Variants in C17orf58 observed in about 807,000 individuals in gnomAD.
C17orf58 encodes the protein chromosome 17 open reading frame 58.
Under a neutral mutation model 7.4 loss-of-function variants are expected in C17orf58, and 5 were observed. The observed-to-expected ratio is 0.67, with a 90% CI of 0.35 to 1.42. The LOEUF (loss-of-function observed/expected upper bound fraction) is 1.42, where lower values mean the gene tolerates loss of function less well. Among genes scored for constraint, C17orf58 ranks in the 40% most tolerant of loss-of-function variants. The pLI is 0.04. For missense variants in C17orf58, 162 were observed against 174.2 expected (o/e 0.93, Z 0.40); for synonymous variants, 60 against 70.6 (o/e 0.85, Z 0.75).
rs782628571 is a variant in C17orf58, at chr17:67,993,291, C to T, written c.638-56G>A. 55 of 1,136,926 alleles carry T rather than the reference C, an allele frequency of 4.8e-5. No individual in the cohort carries two copies. The highest frequency in any genetic ancestry group is 4.5e-5 in the Non-Finnish European group (36 of 804,816). 70.4% of individuals were successfully genotyped at this position (1,136,926 alleles called of 1,614,324 possible). A position where few individuals can be genotyped will look rare whatever the true frequency, so the allele number is the denominator to read the frequency against. ...ATTACCCCGAGTTCCTCTCCCAGTC[C>T]CCCAGGAGGTGGTTTTTAGCAACCG... On this transcript the variant is annotated intron_variant, in intron 2 of 3. Coordinates refer to ENST00000580729, the MANE Select transcript of C17orf58 (RefSeq NM_001382359.1). This position sits in a 1 kb window ranked among gnomAD's most constrained non-coding sequence, Gnocchi z 5.1.
chr17:67,993,076 C>G lies in C17orf58; in HGVS notation c.797G>C (p.Ser266Thr). Reference protein sequence around the residue: ...RVHMLALDSSSCNKPCPEFKP... With the variant: ...RVHMLALDSSTCNKPCPEFKP... The stretch of plus-strand genomic sequence containing the variant: ...AAACTCTGGACACGGCTTATTGCAG[C>G]TGGAGGAGTCCAGGGCTAACATGTG... Residue 266 changes from serine to threonine, a missense_variant, in exon 3 of 4, where the codon AGC becomes ACC. Physicochemically the swap from Ser to Thr is moderately conservative, Grantham distance 58 (BLOSUM62 1). This residue lies in a region of C17orf58 where 93 missense variants were observed against 90.4 expected (regional missense o/e 1.03). Coordinates refer to ENST00000580729, the MANE Select transcript of C17orf58 (RefSeq NM_001382359.1). This position sits in a 1 kb window ranked among gnomAD's most constrained non-coding sequence, Gnocchi z 5.1. 1 of 1,614,172 alleles carries G rather than the reference C, an allele frequency of 6.2e-7. No individual in the cohort carries two copies.
Position 67,993,808 on chromosome 17 carries a change from C to T in C17orf58, c.253G>A (p.Asp85Asn), listed in dbSNP as rs2070865408. Residue 85 changes from aspartate to asparagine, a missense_variant, in exon 2 of 4, where the codon GAC becomes AAC. Around this residue, in one of 3 missense-constraint regions of C17orf58, gnomAD observed 93 missense variants for 90.4 expected, o/e 1.03. Transcript: ENST00000580729. The surrounding 1 kb of genome is among the most constrained non-coding windows in gnomAD (Gnocchi z 5.1). ...GCCTCCCGGAAGCTGGCCTGGTTGTCGGCCGGCGGTGGGGGCTTCCGGCGG... is the reference window on the plus strand; with the variant it reads ...GCCTCCCGGAAGCTGGCCTGGTTGTTGGCCGGCGGTGGGGGCTTCCGGCGG... ...PRRRKPPPPADNQASFREAAR... is the reference protein window; with the variant it reads ...PRRRKPPPPANNQASFREAAR... The T allele has an allele frequency of 3.8e-6, 1 of 262,108 alleles. No individual in the cohort carries two copies. The allele number at this position is 262,108 out of a possible 1,614,324, so 16.2% of individuals were successfully genotyped here.
chr17:67,992,567 C>CAAAA (rs59543001), intron 3 of C17orf58, among the ~76,000 whole-genome samples: 1 of 52,792 alleles, frequency 1.9e-5, no homozygotes, highest in African/African-American at 7.7e-5. Context: ...GACTCAATCT[C>CAAAA]AAAAAAAAAA....
rs2070890349 is a variant in C17orf58, at chr17:67,996,189, T to C, written c.10A>G (p.Arg4Gly). Residue 4 changes from arginine to glycine, a missense_variant, in exon 1 of 4, where the codon AGA (arginine) becomes GGA (glycine). Coordinates refer to ENST00000580729, the MANE Select transcript of C17orf58 (RefSeq NM_001382359.1). MTA[R>G]AFWLLCLIVG... ...ATCAAACAGAGGAGCCAGAAAGCTC[T>C]AGCTGTCATTTTTGCAGACAGGGTT... 2.5e-6 allele frequency: 1 copy of C among 398,962 alleles called. No individual in the cohort carries two copies. The highest frequency in any genetic ancestry group is 1.3e-4 in the South Asian group (1 of 7,864). 24.7% of individuals were successfully genotyped at this position (398,962 alleles called of 1,614,324 possible).
intron 3 of C17orf58, 90 bp downstream of exon 3, chr17:67,992,954 C>G (rs1488081758): frequency 1.9e-6 from 3 of 1,614,064 alleles, no homozygotes; most frequent in Admixed American, 1.7e-5. Context: ...CAAAAAAAGG[C>G]TGGGCGACCT....
chr17:67,992,248 G>A, intron 3 of C17orf58, 145 bp from the exon 4 acceptor site: 2 of 702,108 alleles, frequency 2.8e-6, no homozygotes, highest in Non-Finnish European at 4.3e-6. Context: ...CAGGCATCTG[G>A]TGGAAACAGC....
intron 3 of C17orf58, among the ~76,000 whole-genome samples, chr17:67,992,559 C>T (rs1599117874): frequency 1.2e-5 from 1 of 85,348 alleles, no homozygotes; most frequent in East Asian, 3.4e-4. Context: ...CAGGGCAAGA[C>T]TCAATCTCAA....
chr17:67,992,954 C>T, intron 3 of C17orf58, 90 bp downstream of exon 3: 1 of 1,614,182 alleles, frequency 6.2e-7, no homozygotes, highest in Non-Finnish European at 8.5e-7. Context: ...CAAAAAAAGG[C>T]TGGGCGACCT....
chr17:67,993,317 C>G lies in C17orf58; in HGVS notation c.638-82G>C, dbSNP rs2070856117. ...CCCAGGAGGTGGTTTTTAGCAACCG[C>G]GAAACGGCCCGCACGGGTCAGGCGC... On this transcript the variant is annotated intron_variant, in intron 2 of 3. Transcript: ENST00000580729. This position sits in a 1 kb window ranked among gnomAD's most constrained non-coding sequence, Gnocchi z 5.1. The G allele has an allele frequency of 1.2e-6, 1 of 840,870 alleles. No individual in the cohort carries two copies. 52.1% of individuals were successfully genotyped at this position (840,870 alleles called of 1,614,324 possible). A position where few individuals can be genotyped will look rare whatever the true frequency, so the allele number is the denominator to read the frequency against.
chr17:67,993,030 G>C lies in C17orf58; in HGVS notation c.829+14C>G. ...AAAGTACATATGCAGCGTCATTCAG[G>C]TCAGTTTCAATACCAGGTTTAAACT... On this transcript the variant is annotated intron_variant, in intron 3 of 3. Transcript: ENST00000580729. The surrounding 1 kb of genome is among the most constrained non-coding windows in gnomAD (Gnocchi z 5.1). 3 of 1,614,186 alleles carry C rather than the reference G, an allele frequency of 1.9e-6. No individual in the cohort carries two copies. The highest frequency in any genetic ancestry group is 2.5e-6 in the Non-Finnish European group (3 of 1,180,008).
chr17:67,993,910 G>A lies in C17orf58; in HGVS notation c.151C>T (p.Gln51Ter), dbSNP rs2070867092. The A allele has an allele frequency of 5.1e-6, 2 of 391,346 alleles. No homozygotes were observed. Among genetic ancestry groups the A allele is most frequent in the Non-Finnish European group, 9.0e-6 (2 of 221,858 alleles). The allele number at this position is 391,346 out of a possible 1,614,324, so 24.2% of individuals were successfully genotyped here. Residue 51 changes from glutamine (Q) to a stop codon, truncating the protein, a stop_gained, in exon 2 of 4, where the codon CAG becomes TAG. Transcript: ENST00000580729. LOFTEE classifies it high-confidence loss of function. This position sits in a 1 kb window ranked among gnomAD's most constrained non-coding sequence, Gnocchi z 5.1. Reference sequence around the variant, plus strand: ...CGCTGCGGGGCCTCAAGGAGTGGCTGCGCGCGGGGCCCCGGTGTCTCCTCC... The same window carrying A: ...CGCTGCGGGGCCTCAAGGAGTGGCTACGCGCGGGGCCCCGGTGTCTCCTCC... ...SAEETPGPRA[Q>*]PLLEAPQRPR...
In C17orf58 at chr17:67,993,390, G is replaced by A; in HGVS notation, c.637+34C>T. ...CTCCGGGGCTCGGAAAGGCTCGCGG[G>A]GCGGCGGGGCGGCGGCGCGGCGGCC... On this transcript the variant is annotated intron_variant, in intron 2 of 3. Transcript: ENST00000580729. The surrounding 1 kb of genome is among the most constrained non-coding windows in gnomAD (Gnocchi z 5.1). The A allele has an allele frequency of 1.7e-6, 1 of 579,472 alleles. No individual in the cohort carries two copies. The highest frequency in any genetic ancestry group is 3.0e-6 in the Non-Finnish European group (1 of 329,782). 35.9% of individuals were successfully genotyped at this position (579,472 alleles called of 1,614,324 possible). A position where few individuals can be genotyped will look rare whatever the true frequency, so the allele number is the denominator to read the frequency against.
In C17orf58 at chr17:67,993,487, G is replaced by A; in HGVS notation, c.574C>T (p.Pro192Ser). The A allele has an allele frequency of 2.4e-6, 1 of 415,636 alleles. No individual in the cohort carries two copies. Among genetic ancestry groups the A allele is most frequent in the East Asian group, 3.6e-5 (1 of 27,816 alleles). The allele number at this position is 415,636 out of a possible 1,614,324, so 25.7% of individuals were successfully genotyped here. Residue 192 changes from proline to serine, a missense_variant, in exon 2 of 4, where the codon CCC becomes TCC. Pro to Ser is a moderately conservative substitution (Grantham distance 74). This residue lies in a region of C17orf58 where 93 missense variants were observed against 90.4 expected (regional missense o/e 1.03). Transcript: ENST00000580729. The surrounding 1 kb of genome is among the most constrained non-coding windows in gnomAD (Gnocchi z 5.1). The stretch of plus-strand genomic sequence containing the variant: ...TCGGACCGGCAGGCGCGCGCGCAGG[G>A]CTCAGCGCCGGGCTCCGCGTCCCTC... Reference protein sequence around the residue: ...PQRDAEPGAEPCARACRSDLD... With the variant: ...PQRDAEPGAESCARACRSDLD...
chr17:67,995,092 A>G (rs1555699685), intron 1 of C17orf58, among the ~76,000 whole-genome samples: 1 of 152,150 alleles, frequency 6.6e-6, no homozygotes, highest in Non-Finnish European at 1.5e-5. Context: ...CCCTTGCATT[A>G]AAGAGATGGA....
At chr17:67,996,091 G>C (rs1213305075) in intron 1 of C17orf58, 32 bp downstream of exon 1, 2 of 396,998 alleles carry the variant, frequency 5.0e-6, no homozygotes, top group Non-Finnish European at 8.9e-6. Flanking sequence ...TCCCCGCTCC[G>C]CTCCCAGGGC....
In C17orf58 at chr17:67,993,834, C is replaced by T. The variant is rs1555699514; in HGVS notation, c.227G>A (p.Arg76His). ...GGCCGGCGGTGGGGGCTTCCGGCGG[C>T]GCGGGTCAGGCCAGGCGCGGGCGGC... is the stretch of plus-strand genomic sequence containing the variant. Reference protein sequence around the residue: ...APAARAWPDPRRRKPPPPADN... With the variant: ...APAARAWPDPHRRKPPPPADN... Residue 76 changes from arginine (R) to histidine (H), a missense_variant, in exon 2 of 4, where the codon CGC becomes CAC. This residue lies in a region of C17orf58 where 93 missense variants were observed against 90.4 expected (regional missense o/e 1.03). Transcript: ENST00000580729. This position sits in a 1 kb window ranked among gnomAD's most constrained non-coding sequence, Gnocchi z 5.1. 6.4e-5 allele frequency: 20 copies of T among 311,884 alleles called. No individual in the cohort carries two copies. Among genetic ancestry groups the T allele is most frequent in the Non-Finnish European group, 1.1e-4 (19 of 174,552 alleles). 19.3% of individuals were successfully genotyped at this position (311,884 alleles called of 1,614,324 possible).
intron 1 of C17orf58, among the ~76,000 whole-genome samples, chr17:67,994,800 G>C (rs2070878577): frequency 6.6e-6 from 1 of 152,002 alleles, no homozygotes; most frequent in Non-Finnish European, 1.5e-5. Flanking sequence ...TAAAAGCTTG[G>C]CTGGGAGGCA....
intron 1 of C17orf58, 66 bp from the exon 2 acceptor site, chr17:67,994,050 CG>C: frequency 2.7e-6 from 1 of 373,854 alleles, no homozygotes; most frequent in Non-Finnish European, 4.7e-6. Flanking sequence ...GGGAGGCCGT[CG>C]GGGAAAGCCG....
chr17:67,992,937 TCG>T (rs1555699389), intron 3 of C17orf58, 105 bp downstream of exon 3: 1 of 1,614,036 alleles, frequency 6.2e-7, no homozygotes, highest in Non-Finnish European at 8.5e-7. Flanking sequence ...TTGTTTCCCA[TCG>T]CTCCCAAAAA....
Sources: allele counts gnomAD v4.1 joint callset (sites outside exome capture counted in the v4.1 genomes callset), GRCh38; gene constraint gnomAD v4.1.1; regional missense constraint gnomAD v4.1.1; non-coding constraint Gnocchi (gnomAD v3.1); transcripts MANE v1.5; gene names NCBI Gene and HGNC (gene_info 2026-07-23, HGNC 2026-07-21).